NLGN4Y: variants seen among roughly 807,000 people sequenced by gnomAD.
NLGN4Y encodes the protein neuroligin 4 Y-linked.
In NLGN4Y, 4 loss-of-function variants were observed where a neutral mutation model predicts 8.4. That is an observed-to-expected ratio of 0.48 (90% CI 0.23 to 1.09). The LOEUF is 1.09. NLGN4Y is among the 50% of genes least tolerant of loss of function. The pLI is 0.19. For missense variants in NLGN4Y, 90 were observed against 192.3 expected, an observed-to-expected ratio of 0.47 and a Z score of 3.15; for synonymous variants, 35 against 75.6, an observed-to-expected ratio of 0.46 and a Z score of 2.78.
chrY:14,692,138 A>G, intron 2 of NLGN4Y, among the ~76,000 whole-genome samples: 5 of 33,073 alleles, frequency 1.5e-4, no homozygotes, highest in African/African-American at 3.5e-4. Context: ...TTATGAAGCT[A>G]AATTAGCCTA....
chrY:14,692,205 A>G, intron 2 of NLGN4Y, among the ~76,000 whole-genome samples: 1 of 33,377 alleles, frequency 3.0e-5, no homozygotes, highest in South Asian at 6.6e-4. Context: ...TTACATTTGC[A>G]ATTTAATGAT....
intron 2 of NLGN4Y, among the ~76,000 whole-genome samples, chrY:14,703,287 G>A: frequency 3.0e-5 from 1 of 33,172 alleles, no homozygotes; most frequent in Non-Finnish European, 7.4e-5. Flanking sequence ...GGGTTTTTAT[G>A]GTTTTAGGTC....
At chrY:14,579,715 AAAC>A (rs2080309642) in intron 1 of NLGN4Y, among the ~76,000 whole-genome samples, 1 of 32,663 alleles carries the variant, frequency 3.1e-5, no homozygotes, top group Non-Finnish European at 7.5e-5. Context: ...CTGTCTCTAA[AAAC>A]AACAACAAAC....
intron 5 of NLGN4Y, 87 bp from the exon 6 acceptor site, chrY:14,829,643 C>A (rs759461414): frequency 3.4e-3 from 1,062 of 315,602 alleles, no homozygotes; most frequent in South Asian, 0.033. Flanking sequence ...CACATGCTTG[C>A]GAAACAATCA....
intron 2 of NLGN4Y, among the ~76,000 whole-genome samples, chrY:14,679,326 A>T: frequency 3.1e-5 from 1 of 32,235 alleles, no homozygotes; most frequent in Non-Finnish European, 7.5e-5. Context: ...TTTTTTTTCC[A>T]ATTAGTGTGC....
At chrY:14,697,428 G>A in intron 2 of NLGN4Y, among the ~76,000 whole-genome samples, 1 of 30,859 alleles carries the variant, frequency 3.2e-5, no homozygotes, top group Non-Finnish European at 7.8e-5. Flanking sequence ...ATAGATATAG[G>A]TAGATAGAGG....
intron 4 of NLGN4Y, among the ~76,000 whole-genome samples, chrY:14,775,672 T>G (rs2081122986): frequency 3.0e-5 from 1 of 33,720 alleles, no homozygotes; most frequent in Non-Finnish European, 7.3e-5. Flanking sequence ...GTTTACATTA[T>G]GTAATAACTA....
intron 1 of NLGN4Y, among the ~76,000 whole-genome samples, chrY:14,619,096 T>A: frequency 3.0e-5 from 1 of 33,199 alleles, no homozygotes; most frequent in Admixed American, 2.7e-4. Context: ...GGGTTATAGA[T>A]TTAGATAGAG....
At chrY:14,769,669 C>A (rs2081101446) in intron 4 of NLGN4Y, among the ~76,000 whole-genome samples, 2 of 32,731 alleles carry the variant, frequency 6.1e-5, no homozygotes, top group African/African-American at 2.4e-4. Flanking sequence ...TTTTCATACC[C>A]AGGTGGCACC....
At chrY:14,527,226 T>G (rs965582184) in intron 1 of NLGN4Y, among the ~76,000 whole-genome samples, 38 of 34,224 alleles carry the variant, frequency 1.1e-3, no homozygotes, top group African/African-American at 4.4e-3. Flanking sequence ...CCTAAAACTT[T>G]GAATATTGTC....
At chrY:14,529,359 G>C in intron 1 of NLGN4Y, among the ~76,000 whole-genome samples, 1 of 32,644 alleles carries the variant, frequency 3.1e-5, no homozygotes. Flanking sequence ...ACTGATAAAA[G>C]AGCCATGGTG....
chrY:14,742,131 G>T (rs2081008175), intron 4 of NLGN4Y, among the ~76,000 whole-genome samples: 1 of 33,605 alleles, frequency 3.0e-5, no homozygotes, highest in Non-Finnish European at 7.4e-5. Context: ...GTTGTATTAA[G>T]ATAAGTTAGA....
intron 2 of NLGN4Y, among the ~76,000 whole-genome samples, chrY:14,659,178 G>A (rs2080665218): frequency 1.5e-4 from 5 of 32,826 alleles, no homozygotes; most frequent in African/African-American, 2.4e-4. Flanking sequence ...TTACTGCTTG[G>A]GGTAGCTATT....
At chrY:14,673,818 T>G (rs1603502544) in intron 2 of NLGN4Y, among the ~76,000 whole-genome samples, 2 of 33,468 alleles carry the variant, frequency 6.0e-5, no homozygotes, top group African/African-American at 1.2e-4. Flanking sequence ...AGAAAATGTG[T>G]CACATATACA....
chrY:14,692,969 T>A, intron 2 of NLGN4Y, among the ~76,000 whole-genome samples: 1 of 32,962 alleles, frequency 3.0e-5, no homozygotes, highest in African/African-American at 1.2e-4. Flanking sequence ...TCCTGGTGAC[T>A]TAGGAAAGGT....
chrY:14,526,436 CTGTG>C (rs374815983), intron 1 of NLGN4Y, among the ~76,000 whole-genome samples: 9 of 29,574 alleles, frequency 3.0e-4, no homozygotes, highest in African/African-American at 1.0e-3. Context: ...GTATGTGTGT[CTGTG>C]TGTGTGTGTG....
intron 2 of NLGN4Y, among the ~76,000 whole-genome samples, chrY:14,706,797 AATAT>A (rs2080880091): frequency 5.1e-5 from 1 of 19,465 alleles, no homozygotes; most frequent in Non-Finnish European, 1.1e-4. Context: ...TTTAAAAAAA[AATAT>A]ATATATATAT....
At chrY:14,598,193 G>A (rs2080411429) in intron 1 of NLGN4Y, among the ~76,000 whole-genome samples, 2 of 34,990 alleles carry the variant, frequency 5.7e-5, no homozygotes, top group Non-Finnish European at 1.4e-4. Context: ...TGCGCCATGC[G>A]CTGGCATTCC....
chrY:14,706,489 C>A, intron 2 of NLGN4Y, among the ~76,000 whole-genome samples: 2 of 32,194 alleles, frequency 6.2e-5, no homozygotes, highest in African/African-American at 1.2e-4. Flanking sequence ...TCTTGGCTCA[C>A]TGCAATTTCT....
Sources: gnomAD v4.1 joint callset for allele counts (sites outside exome capture counted in the v4.1 genomes callset) on GRCh38, gnomAD v4.1.1 for gene constraint, MANE v1.5 for transcripts, NCBI Gene and HGNC (gene_info 2026-07-23, HGNC 2026-07-21) for gene names.